Variants in RAB38 observed in about 807,000 individuals in gnomAD.
The protein encoded by RAB38 is RAB38, member RAS oncogene family.
RAB38 carries 15 observed loss-of-function variants against 18.4 expected under a neutral mutation model. The ratio of observed to expected loss-of-function variants is 0.82; its 90% confidence interval spans 0.55 to 1.26. The LOEUF (loss-of-function observed/expected upper bound fraction) is 1.26, where lower values mean the gene tolerates loss of function less well. Ranked by LOEUF, RAB38 falls within the 50% of genes most tolerant of loss-of-function variation. RAB38 has a pLI of 0.00. For synonymous variants in RAB38, 101 were observed against 104.4 expected, an observed-to-expected ratio of 0.97 and a Z score of 0.20; for missense variants, 294 against 267.4, an observed-to-expected ratio of 1.10 and a Z score of -0.69.
chr11:87,941,758 C>A, the RAB38 span, among the ~76,000 whole-genome samples: 2 of 152,096 alleles, frequency 1.3e-5, no homozygotes, highest in Admixed American at 1.3e-4. Context: ...TTATCAAGAC[C>A]AACTAAAGAA....
chr11:87,904,921 G>A, the RAB38 span, among the ~76,000 whole-genome samples: 1 of 151,628 alleles, frequency 6.6e-6, no homozygotes, highest in Non-Finnish European at 1.5e-5. Context: ...TTTTCCATGA[G>A]TTTGAAAACT....
the RAB38 span, among the ~76,000 whole-genome samples, chr11:87,887,180 C>T: frequency 9.8e-3 from 1,493 of 152,036 alleles, 24 homozygotes; most frequent in African/African-American, 0.034. Context: ...CTCTGAGAGG[C>T]TAAGTAACTT....
chr11:87,851,282 T>A, the RAB38 span, among the ~76,000 whole-genome samples: 6 of 152,216 alleles, frequency 3.9e-5, no homozygotes, highest in African/African-American at 1.2e-4. Flanking sequence ...AGAAGCTGTG[T>A]CTGGTTCACT....
At chr11:88,156,717 A>C (rs1412278151) in intron 1 of RAB38, among the ~76,000 whole-genome samples, 1 of 152,154 alleles carries the variant, frequency 6.6e-6, no homozygotes, top group African/African-American at 2.4e-5. Flanking sequence ...AAAAAAAGAA[A>C]ATTCATATCC....
the RAB38 span, among the ~76,000 whole-genome samples, chr11:88,021,552 T>C: frequency 6.6e-6 from 1 of 150,840 alleles, no homozygotes; most frequent in African/African-American, 2.4e-5. Context: ...TTCCTAAAAA[T>C]AGAGAAAGAT....
chr11:88,012,069 G>A, the RAB38 span, among the ~76,000 whole-genome samples: 1 of 152,102 alleles, frequency 6.6e-6, no homozygotes, highest in African/African-American at 2.4e-5. Flanking sequence ...CCTTAATCCT[G>A]GCCTGCCATG....
At chr11:87,852,859 A>G in the RAB38 span, among the ~76,000 whole-genome samples, 1 of 152,076 alleles carries the variant, frequency 6.6e-6, no homozygotes, top group Non-Finnish European at 1.5e-5. Context: ...GTGTCTCAGA[A>G]TTGTTTCCTA....
chr11:87,932,929 C>G, the RAB38 span, among the ~76,000 whole-genome samples: 1 of 152,166 alleles, frequency 6.6e-6, no homozygotes, highest in African/African-American at 2.4e-5. Flanking sequence ...AATTTAGAGT[C>G]AAGTCATCTT....
At chr11:87,847,160 C>G in the RAB38 span, among the ~76,000 whole-genome samples, 2 of 151,142 alleles carry the variant, frequency 1.3e-5, no homozygotes, top group Non-Finnish European at 3.0e-5. Flanking sequence ...TAAAGAAAAC[C>G]CAGAAATCAT....
At chr11:87,921,167 T>C in the RAB38 span, among the ~76,000 whole-genome samples, 1 of 152,102 alleles carries the variant, frequency 6.6e-6, no homozygotes, top group Non-Finnish European at 1.5e-5. Context: ...AGACAGTTTC[T>C]GACTTATGAT....
At chr11:87,869,834 A>G in the RAB38 span, among the ~76,000 whole-genome samples, 2 of 151,660 alleles carry the variant, frequency 1.3e-5, no homozygotes, top group Admixed American at 6.6e-5. Flanking sequence ...GAGCAGTATT[A>G]TTTTATTACC....
chr11:87,903,196 A>T, the RAB38 span, among the ~76,000 whole-genome samples: 1 of 151,466 alleles, frequency 6.6e-6, no homozygotes, highest in Non-Finnish European at 1.5e-5. Flanking sequence ...TTAAGAAATG[A>T]TGTTAGCTCT....
At chr11:87,944,476 C>T in the RAB38 span, among the ~76,000 whole-genome samples, 1 of 152,072 alleles carries the variant, frequency 6.6e-6, no homozygotes, top group East Asian at 1.9e-4. Flanking sequence ...TGTAGTCTTC[C>T]ATTTTTGGTC....
At chr11:87,974,937 G>A in the RAB38 span, among the ~76,000 whole-genome samples, 1 of 151,926 alleles carries the variant, frequency 6.6e-6, no homozygotes, top group Non-Finnish European at 1.5e-5. Flanking sequence ...CACAACAGAT[G>A]GCCACAGTTC....
At chr11:87,895,653 A>T in the RAB38 span, among the ~76,000 whole-genome samples, 1 of 151,634 alleles carries the variant, frequency 6.6e-6, no homozygotes, top group Non-Finnish European at 1.5e-5. Context: ...CTTCCACTGC[A>T]CCGGCTGATT....
chr11:87,857,621 T>C, the RAB38 span, among the ~76,000 whole-genome samples: 2 of 152,236 alleles, frequency 1.3e-5, no homozygotes, highest in Non-Finnish European at 2.9e-5. Context: ...CCAGTGATGA[T>C]GAGAATTTTT....
At chr11:87,950,593 T>A in the RAB38 span, among the ~76,000 whole-genome samples, 1 of 152,020 alleles carries the variant, frequency 6.6e-6, no homozygotes, top group Non-Finnish European at 1.5e-5. Flanking sequence ...AGTGACAAAA[T>A]CTCTCAGCAT....
the RAB38 span, among the ~76,000 whole-genome samples, chr11:88,032,456 G>A: frequency 6.6e-6 from 1 of 152,084 alleles, no homozygotes; most frequent in Non-Finnish European, 1.5e-5. Flanking sequence ...CTACAAAATG[G>A]GAGAAAATTT....
the RAB38 span, among the ~76,000 whole-genome samples, chr11:88,050,457 A>G: frequency 6.6e-6 from 1 of 152,182 alleles, no homozygotes; most frequent in Non-Finnish European, 1.5e-5. Flanking sequence ...TCTCTGGGGC[A>G]TGATTGTACG....
Sources: gnomAD v4.1 joint callset for allele counts (sites outside exome capture counted in the v4.1 genomes callset) on GRCh38, gnomAD v4.1.1 for gene constraint, MANE v1.5 for transcripts, NCBI Gene and HGNC (gene_info 2026-07-23, HGNC 2026-07-21) for gene names.